SART1: variants seen among roughly 807,000 people sequenced by gnomAD.
SART1 encodes spliceosome associated factor 1, recruiter of U4/U6.U5 tri-snRNP, also known as U4/U6.U5 tri-snRNP-associated protein 1.
SART1 carries 28 observed loss-of-function variants against 105.0 expected under a neutral mutation model. That is an observed-to-expected ratio of 0.27 (90% CI 0.20 to 0.37). SART1 has a LOEUF of 0.37. Among genes scored for constraint, SART1 ranks in the 10% least tolerant of loss-of-function variants. The probability of loss-of-function intolerance (pLI) is 1.00; values close to 1 mark genes in which losing one functional copy is unlikely to be tolerated. For missense variants in SART1, 894 were observed against 1,106.5 expected (o/e 0.81, Z 2.72); for synonymous variants, 472 against 462.9 (o/e 1.02, Z -0.25).
At chr11:65,965,625 C>A (rs552788434) in intron 5 of SART1, 77 bp from the exon 6 acceptor site, 7 of 1,481,138 alleles carry the variant, frequency 4.7e-6, no homozygotes, top group African/African-American at 1.4e-5. Context: ...TTTTGCACTC[C>A]GCTTGGTAGA....
In SART1 at chr11:65,977,085, C is replaced by T; in HGVS notation, c.1929C>T (p.Leu643=). The change falls in exon 15 of 20, where the codon CTC becomes CTT. Residue 643 remains leucine, a synonymous_variant. Transcript: ENST00000312397. ...IVNRGLAAAL[L]LCQNKGLLET... Reference sequence around the variant, plus strand: ...ATAGGGGGCTGGCAGCTGCCCTGCTCCTGTGTCAGAACAAAGGTAGGGAGC... The same window carrying T: ...ATAGGGGGCTGGCAGCTGCCCTGCTTCTGTGTCAGAACAAAGGTAGGGAGC... The T allele has an allele frequency of 6.2e-7, 1 of 1,613,528 alleles. No individual in the cohort carries two copies. Among genetic ancestry groups the T allele is most frequent in the East Asian group, 2.2e-5 (1 of 44,874 alleles).
At position 65,964,564 on chromosome 11, in the gene SART1, A is replaced by G; in HGVS notation, c.421A>G (p.Lys141Glu). The G allele has an allele frequency of 6.2e-7, 1 of 1,610,428 alleles. No homozygotes were observed. ...GAAACCCTTGGAGGTTAATGCCATC[A>G]AGAAGGGTGAGTATGGGGCTGAGGA... ...GLKPLEVNAI[K>E]KEAGTKEEPV... The change falls in exon 3 of 20, where the codon AAG (lysine) becomes GAG (glutamate). Residue 141 changes from lysine to glutamate, a missense_variant. Around this residue, in one of 2 missense-constraint regions of SART1, gnomAD observed 712 missense variants for 778.2 expected, o/e 0.91. Transcript: ENST00000312397.
intron 9 of SART1, 140 bp from the exon 10 acceptor site, chr11:65,967,119 C>T: frequency 8.1e-7 from 1 of 1,228,608 alleles, no homozygotes; most frequent in Non-Finnish European, 1.1e-6. Context: ...AGTAACCACC[C>T]CACATGTTGC....
rs1001354051 is a variant in SART1 at position 65,976,949 on chromosome 11, A to G, written c.1858-65A>G. On this transcript the variant is annotated intron_variant, in intron 14 of 19. Coordinates refer to ENST00000312397, the MANE Select transcript of SART1 (RefSeq NM_005146.5). This position sits in a 1 kb window ranked among gnomAD's most constrained non-coding sequence, Gnocchi z 5.1. ...GAGGGCTGGTGCCTGGCAGGTGGTGACCAGTGGGTGGGGCTGAGAAGAGCC... is the reference window on the plus strand; with the variant it reads ...GAGGGCTGGTGCCTGGCAGGTGGTGGCCAGTGGGTGGGGCTGAGAAGAGCC... 1 of 1,358,184 alleles carries G rather than the reference A, an allele frequency of 7.4e-7. No individual in the cohort carries two copies. Among genetic ancestry groups the G allele is most frequent in the Non-Finnish European group, 1.1e-6 (1 of 949,064 alleles). The allele number at this position is 1,358,184 out of a possible 1,614,324, so 84.1% of individuals were successfully genotyped here.
In SART1 at chr11:65,976,651, C is replaced by T. The variant is rs1257661634; in HGVS notation, c.1747-5C>T. 7 of 1,613,496 alleles carry T rather than the reference C, an allele frequency of 4.3e-6. No homozygotes were observed. Among genetic ancestry groups the T allele is most frequent in the Non-Finnish European group, 5.9e-6 (7 of 1,179,842 alleles). ...CTGGGCCGACCCTGGTCTTTTGTGC[C>T]CCAGGACTTTGAACGGGATGAGGAG... On this transcript the variant is annotated splice_polypyrimidine_tract_variant and splice_region_variant and intron_variant, in intron 13 of 19. Transcript: ENST00000312397. This position sits in a 1 kb window ranked among gnomAD's most constrained non-coding sequence, Gnocchi z 5.1.
rs775241188 is a variant in SART1, at chr11:65,976,795, G to A, written c.1857+29G>A. 17 of 1,545,270 alleles carry A rather than the reference G, an allele frequency of 1.1e-5. No individual in the cohort carries two copies. The East Asian group carries it at 2.8e-4, about 26-fold the overall frequency. On this transcript the variant is annotated intron_variant, in intron 14 of 19. Transcript: ENST00000312397. The surrounding 1 kb of genome is among the most constrained non-coding windows in gnomAD (Gnocchi z 5.1). ...AGGGCCGCGCCGCTGGGGGGTGGGC[G>A]TTTGGGGGTGCTCAAGCTGGAGATG...
In SART1 at chr11:65,965,111, G is replaced by A. The variant is rs150808292; in HGVS notation, c.447G>A (p.Glu149=). Reference sequence around the variant, plus strand: ...TTCCAGAGGCGGGCACCAAGGAGGAGCCCGTGACAGCTGATGTCATCAACC... The same window carrying A: ...TTCCAGAGGCGGGCACCAAGGAGGAACCCGTGACAGCTGATGTCATCAACC... ...AIKKEAGTKE[E]PVTADVINPM... is the part of the protein sequence containing the mutation. Residue 149 remains glutamate (E), a synonymous_variant, in exon 4 of 20, where the codon GAG becomes GAA. Transcript: ENST00000312397. 3.5e-5 allele frequency: 56 copies of A among 1,583,292 alleles called. No homozygotes were observed. The African/African-American group carries it at 7.0e-4, about 20-fold the overall frequency.
rs1444259709 is a variant in SART1 at position 65,965,936 on chromosome 11, T to C, written c.788T>C (p.Ile263Thr). 3 of 1,613,906 alleles carry C rather than the reference T, an allele frequency of 1.9e-6. No individual in the cohort carries two copies. In the African/African-American group the frequency reaches 4.0e-5, roughly 22 times the overall value. The change falls in exon 7 of 20, where the codon ATT (isoleucine) becomes ACT (threonine). Residue 263 changes from isoleucine to threonine, a missense_variant. Coordinates refer to ENST00000312397, the MANE Select transcript of SART1 (RefSeq NM_005146.5). ...CAGGGCCTCACCGTGGAGCATGCCA[T>C]TGATTCCTTCCGAGAAGGGGAGACA... Reference protein sequence around the residue: ...DLQGLTVEHAIDSFREGETMI... With the variant: ...DLQGLTVEHATDSFREGETMI...
intron 1 of SART1, among the ~76,000 whole-genome samples, chr11:65,962,583 C>T (rs564735825): frequency 1.4e-4 from 22 of 152,188 alleles, no homozygotes; most frequent in African/African-American, 5.1e-4. Flanking sequence ...CACAAAGGAC[C>T]CTGTACTGTA....
At position 65,979,191 on chromosome 11, in the gene SART1, C is replaced by T; in HGVS notation, c.*161C>T. The T allele has an allele frequency of 1.2e-6, 1 of 859,128 alleles. No individual in the cohort carries two copies. 53.2% of individuals were successfully genotyped at this position (859,128 alleles called of 1,614,324 possible). On this transcript the variant is annotated 3_prime_UTR_variant, in exon 20 of 20. Coordinates refer to ENST00000312397, the MANE Select transcript of SART1 (RefSeq NM_005146.5). ...TAGGTGAGACCTGGCCATCAAATGA[C>T]ACAAACAACTAAACGATGGAAGAGA...
In SART1 at chr11:65,961,898, C is replaced by A; in HGVS notation, c.118C>A (p.His40Asn). The A allele has an allele frequency of 6.4e-7, 1 of 1,555,732 alleles. No homozygotes were observed. The highest frequency in any genetic ancestry group is 8.7e-7 in the Non-Finnish European group (1 of 1,149,420). Residue 40 changes from histidine to asparagine, a missense_variant, in exon 1 of 20, where the codon CAC becomes AAC. By Grantham distance (68) the His-to-Asn change is moderately conservative. Transcript: ENST00000312397. ...PRHREHKKHKHRSGGSGGSGG... is the reference protein window; with the variant it reads ...PRHREHKKHKNRSGGSGGSGG... Reference sequence around the variant, plus strand: ...GCACCGGGAACACAAAAAACACAAGCACCGGAGTGGCGGCAGTGGCGGTAG... The same window carrying A: ...GCACCGGGAACACAAAAAACACAAGAACCGGAGTGGCGGCAGTGGCGGTAG...
rs1180718504 is a variant in SART1, at chr11:65,967,208, G to A, written c.1189-51G>A. 5.0e-6 allele frequency: 8 copies of A among 1,598,896 alleles called. No homozygotes were observed. The South Asian group carries it at 6.8e-5, about 14-fold the overall frequency. Reference sequence around the variant, plus strand: ...GTGTTCACCCTCGAGGGCTTGTGGCGACCTGCCTTTCTGTGGCCCCCGCTC... The same window carrying A: ...GTGTTCACCCTCGAGGGCTTGTGGCAACCTGCCTTTCTGTGGCCCCCGCTC... On this transcript the variant is annotated intron_variant, in intron 9 of 19. Transcript: ENST00000312397.
rs1855199869 is a variant in SART1, at chr11:65,964,084, C to T, written c.324C>T (p.Ser108=). ...TTCTTCTTGTTCCAGCTGCCAGCTC[C>T]AAAACTAGCTCAGGCGATGCCTCCT... is the stretch of plus-strand genomic sequence containing the variant. ...RDDGYEAAAS[S]KTSSGDASSL... Residue 108 remains serine (S), a synonymous_variant, in exon 2 of 20, where the codon TCC becomes TCT. Transcript: ENST00000312397. 6.2e-7 allele frequency: 1 copy of T among 1,612,446 alleles called. No individual in the cohort carries two copies. The highest frequency in any genetic ancestry group is 8.5e-7 in the Non-Finnish European group (1 of 1,180,006).
intron 12 of SART1, among the ~76,000 whole-genome samples, chr11:65,968,700 A>G (rs1213489905): frequency 1.3e-5 from 2 of 152,154 alleles, no homozygotes; most frequent in Non-Finnish European, 2.9e-5. Flanking sequence ...ACCAACCAGC[A>G]GGTGTCTCAG....
intron 12 of SART1, among the ~76,000 whole-genome samples, chr11:65,973,802 G>A (rs1482756999): frequency 6.6e-6 from 1 of 152,220 alleles, no homozygotes; most frequent in Non-Finnish European, 1.5e-5. Context: ...CTACAGCCGT[G>A]TGCATCAGGG....
At chr11:65,963,641 CTGGCTAATTTTTATATTT>C (rs1158196899) in intron 1 of SART1, among the ~76,000 whole-genome samples, 2 of 152,144 alleles carry the variant, frequency 1.3e-5, no homozygotes, top group Non-Finnish European at 2.9e-5. Context: ...ACCACCGTGC[CTGGCTAATTTTTATATTT>C]TTAGTAGAGA....
intron 12 of SART1, among the ~76,000 whole-genome samples, chr11:65,968,181 C>T (rs1050698872): frequency 2.0e-5 from 3 of 152,128 alleles, no homozygotes; most frequent in African/African-American, 2.4e-5. Flanking sequence ...AACTCCTGAC[C>T]TCATGATCTG....
In SART1 at chr11:65,965,691, C is replaced by T. The variant is rs758636617; in HGVS notation, c.661-11C>T. 1.5e-5 allele frequency: 24 copies of T among 1,612,550 alleles called. No homozygotes were observed. The highest frequency in any genetic ancestry group is 2.0e-5 in the Non-Finnish European group (23 of 1,179,204). On this transcript the variant is annotated splice_polypyrimidine_tract_variant and intron_variant, in intron 5 of 19. Coordinates refer to ENST00000312397, the MANE Select transcript of SART1 (RefSeq NM_005146.5). ...GCCTGAAGTCCTAGGTCACCCCTCC[C>T]TGTCCCGTAGGCCAAGTTACTGGAG...
chr11:65,970,424 T>C (rs1855350438), intron 12 of SART1, among the ~76,000 whole-genome samples: 2 of 152,208 alleles, frequency 1.3e-5, no homozygotes, highest in Non-Finnish European at 2.9e-5. Context: ...TTCTAGAGTA[T>C]GTGGGAGACA....
Sources: gnomAD v4.1 joint callset for allele counts (sites outside exome capture counted in the v4.1 genomes callset) on GRCh38, gnomAD v4.1.1 for gene constraint, gnomAD v4.1.1 regional missense constraint, Gnocchi (gnomAD v3.1) non-coding constraint, MANE v1.5 for transcripts, NCBI Gene and HGNC (gene_info 2026-07-23, HGNC 2026-07-21) for gene names.